Variants in SLC15A1 observed in about 807,000 individuals in gnomAD.
SLC15A1 encodes the protein Caco-2 oligopeptide transporter.
Under a neutral mutation model 92.9 loss-of-function variants are expected in SLC15A1, and 83 were observed. The ratio of observed to expected loss-of-function variants is 0.89; its 90% confidence interval spans 0.75 to 1.07. The LOEUF (loss-of-function observed/expected upper bound fraction) is 1.07. SLC15A1 is among the 50% of genes least tolerant of loss of function. The probability of loss-of-function intolerance (pLI) is 0.00; values close to 1 mark genes in which losing one functional copy is unlikely to be tolerated. For missense variants in SLC15A1, 857 were observed against 880.1 expected (o/e 0.97, Z 0.33); for synonymous variants, 322 against 318.2 (o/e 1.01, Z -0.13).
At chr13:98,704,740 A>G (rs571429842) in intron 16 of SLC15A1, among the ~76,000 whole-genome samples, 1 of 152,354 alleles carries the variant, frequency 6.6e-6, no homozygotes, top group Non-Finnish European at 1.5e-5. Context: ...AAAGAACAGC[A>G]CCAGAGCAAA....
chr13:98,700,414 G>A (rs1419465155), intron 18 of SLC15A1, among the ~76,000 whole-genome samples: 1 of 145,620 alleles, frequency 6.9e-6, no homozygotes, highest in African/African-American at 2.6e-5. Flanking sequence ...GAGCCCAGGA[G>A]GATGAGGCTG....
chr13:98,714,000 C>A (rs533681177), intron 9 of SLC15A1, among the ~76,000 whole-genome samples: 2 of 150,850 alleles, frequency 1.3e-5, no homozygotes. Flanking sequence ...TTGCAGTGAG[C>A]CGAGATCGTG....
intron 15 of SLC15A1, among the ~76,000 whole-genome samples, chr13:98,707,712 G>A (rs2088123616): frequency 6.6e-6 from 1 of 151,866 alleles, no homozygotes; most frequent in Admixed American, 6.6e-5. Flanking sequence ...AGCAACACAG[G>A]GGGACCCTGG....
rs773475764 is a variant in SLC15A1, at chr13:98,687,650, C to T, written c.1758G>A (p.Pro586=). Residue 586 remains proline, a synonymous_variant, in exon 21 of 23, where the codon CCG becomes CCA. Coordinates refer to ENST00000376503, the MANE Select transcript of SLC15A1 (RefSeq NM_005073.4). Reference sequence around the variant, plus strand: ...CGCCACAGGTGAGAAGAAAATACTGCGGGATTTGCAGAGCCATGTTAACTG... The same window carrying T: ...CGCCACAGGTGAGAAGAAAATACTGTGGGATTTGCAGAGCCATGTTAACTG... ...ANTVNMALQI[P]QYFLLTCGEV... is the part of the protein sequence containing the mutation. 26 of 1,613,964 alleles carry T rather than the reference C, an allele frequency of 1.6e-5. No homozygotes were observed. Among genetic ancestry groups the T allele is most frequent in the Middle Eastern group, 1.6e-4 (1 of 6,084 alleles).
Position 98,726,947 on chromosome 13 carries a change from G to C in SLC15A1, c.5-88C>G, listed in dbSNP as rs923378647. ...AAACTCAGAGCCTCTGACTTTTTAG[G>C]GTGGTCAGAGGGGCCATTCACCAAA... On this transcript the variant is annotated intron_variant, in intron 1 of 22. Transcript: ENST00000376503. 43 of 1,287,068 alleles carry C rather than the reference G, an allele frequency of 3.3e-5. 1 individual carries two copies. The African/African-American group carries it at 6.0e-4, about 18-fold the overall frequency. The allele number at this position is 1,287,068 out of a possible 1,614,324, so 79.7% of individuals were successfully genotyped here.
chr13:98,721,314 A>C, intron 7 of SLC15A1, 181 bp downstream of exon 7: 1 of 707,038 alleles, frequency 1.4e-6, no homozygotes, highest in South Asian at 1.5e-5. Context: ...TTTAAATAAG[A>C]CAAAAAGGAG....
chr13:98,718,006 G>T (rs1470422319), intron 8 of SLC15A1, among the ~76,000 whole-genome samples: 4 of 151,268 alleles, frequency 2.6e-5, no homozygotes, highest in African/African-American at 7.3e-5. Context: ...AGACATATAT[G>T]TTCTGTCCAG....
chr13:98,703,794 C>A (rs191255320), intron 17 of SLC15A1, among the ~76,000 whole-genome samples: 1 of 151,802 alleles, frequency 6.6e-6, no homozygotes, highest in Non-Finnish European at 1.5e-5. Context: ...TTTTTATGTG[C>A]GAATGACATA....
intron 17 of SLC15A1, among the ~76,000 whole-genome samples, chr13:98,703,741 G>T: frequency 6.6e-6 from 1 of 151,694 alleles, no homozygotes; most frequent in African/African-American, 2.4e-5. Context: ...AATTTTTGTA[G>T]AGACAGGGGT....
chr13:98,726,931 G>A, intron 1 of SLC15A1, 72 bp from the exon 2 acceptor site: 1 of 1,503,470 alleles, frequency 6.7e-7, no homozygotes, highest in Admixed American at 1.7e-5. Context: ...TAAACTCAGA[G>A]CCTCTGACTT....
At chr13:98,698,945 T>TC (rs556148324) in intron 18 of SLC15A1, among the ~76,000 whole-genome samples, 1 of 152,172 alleles carries the variant, frequency 6.6e-6, no homozygotes, top group Non-Finnish European at 1.5e-5. Flanking sequence ...CTACTCTCAT[T>TC]CCCCCCAGTT....
intron 9 of SLC15A1, among the ~76,000 whole-genome samples, chr13:98,713,708 C>G (rs1263910701): frequency 6.6e-6 from 1 of 152,074 alleles, no homozygotes; most frequent in Non-Finnish European, 1.5e-5. Flanking sequence ...AAAGACACAG[C>G]AAGAGGTGAG....
rs528328834 is a variant in SLC15A1 at position 98,744,981 on chromosome 13, C to T, written c.4+7614G>A. ...TTCAGTCTTCTAATTTTAGAATTAG[C>T]ATGCATAGCAGAAACAGCTATATTT... On this transcript the variant is annotated intron_variant, in intron 1 of 22. Coordinates refer to ENST00000376503, the MANE Select transcript of SLC15A1 (RefSeq NM_005073.4). Among the ~76,000 whole-genome samples, 8 of 152,194 alleles carry T rather than the reference C, an allele frequency of 5.3e-5. No individual in the cohort carries two copies. In the East Asian group the frequency reaches 1.5e-3, roughly 29 times the overall value.
chr13:98,726,182 C>A lies in SLC15A1; in HGVS notation c.186G>T (p.Leu62=). The change falls in exon 4 of 23, where the codon CTG becomes CTT. Residue 62 remains leucine, a synonymous_variant. Coordinates refer to ENST00000376503, the MANE Select transcript of SLC15A1 (RefSeq NM_005073.4). ...CTCCGAGAATTGGCGTCAGGTAGCA[C>A]AGAGCCACAAACGTATGGTAGATGG... is the stretch of plus-strand genomic sequence containing the variant. ...STAIYHTFVA[L]CYLTPILGAL... The A allele has an allele frequency of 6.2e-7, 1 of 1,614,094 alleles. No individual in the cohort carries two copies. The highest frequency in any genetic ancestry group is 8.5e-7 in the Non-Finnish European group (1 of 1,180,014).
intron 9 of SLC15A1, among the ~76,000 whole-genome samples, chr13:98,714,117 G>C (rs753492183): frequency 6.6e-6 from 1 of 151,086 alleles, no homozygotes; most frequent in Non-Finnish European, 1.5e-5. Flanking sequence ...AGGATACTTC[G>C]CAATATAGTT....
chr13:98,709,890 C>T lies in SLC15A1; in HGVS notation c.922G>A (p.Ala308Thr), dbSNP rs776703309. ...DQQGSRWTLQ[A>T]TTMSGKIGAL... ...ACGATTTTCCCGGACATAGTTGTTG[C>T]CTGCAGTGTCCACCTGGAGCCCTTA... Residue 308 changes from alanine (A) to threonine (T), a missense_variant, in exon 12 of 23, where the codon GCA (alanine) becomes ACA (threonine). Coordinates refer to ENST00000376503, the MANE Select transcript of SLC15A1 (RefSeq NM_005073.4). The T allele has an allele frequency of 5.6e-6, 9 of 1,614,040 alleles. No individual in the cohort carries two copies. The East Asian group carries it at 2.0e-4, about 36-fold the overall frequency.
chr13:98,691,226 G>A (rs574761995), intron 18 of SLC15A1, among the ~76,000 whole-genome samples: 3 of 152,182 alleles, frequency 2.0e-5, no homozygotes, highest in East Asian at 3.9e-4. Context: ...TGTATTTTTA[G>A]TAGAGAGGGG....
intron 4 of SLC15A1, among the ~76,000 whole-genome samples, chr13:98,725,294 C>T (rs927342441): frequency 2.6e-5 from 4 of 152,132 alleles, no homozygotes; most frequent in African/African-American, 9.7e-5. Context: ...CTAAGACAGC[C>T]CACGTCATTC....
intron 7 of SLC15A1, 116 bp from the exon 8 acceptor site, chr13:98,719,436 A>G (rs1181935283): frequency 3.0e-6 from 2 of 657,466 alleles, no homozygotes; most frequent in Non-Finnish European, 5.1e-6. Flanking sequence ...TGTTCTAGAC[A>G]TATCCATTTG....
Sources: allele counts gnomAD v4.1 joint callset (sites outside exome capture counted in the v4.1 genomes callset), GRCh38; gene constraint gnomAD v4.1.1; transcripts MANE v1.5; gene names NCBI Gene and HGNC (gene_info 2026-07-23, HGNC 2026-07-21).